The following CNTN5 variants were observed in gnomAD, a reference collection of about 807,000 sequenced individuals.
CNTN5 encodes contactin 5, also known as contactin-5.
In CNTN5, 77 loss-of-function variants were observed where a neutral mutation model predicts 129.1. That is an observed-to-expected ratio of 0.60 (90% CI 0.50 to 0.72). The LOEUF is 0.72. CNTN5 is among the 30% of genes least tolerant of loss of function. The pLI is 0.00. For synonymous variants in CNTN5, 509 were observed against 465.6 expected, an observed-to-expected ratio of 1.09 and a Z score of -1.20; for missense variants, 1,478 against 1,328.8, an observed-to-expected ratio of 1.11 and a Z score of -1.75.
At chr11:99,602,052 TATA>T (rs1353391714) in intron 3 of CNTN5, among the ~76,000 whole-genome samples, 4 of 152,130 alleles carry the variant, frequency 2.6e-5, no homozygotes, top group African/African-American at 7.2e-5. Context: ...TGCATACATA[TATA>T]ATAACTGTGT....
chr11:100,081,586 G>A (rs1037222315), intron 13 of CNTN5, among the ~76,000 whole-genome samples: 2 of 152,122 alleles, frequency 1.3e-5, no homozygotes, highest in African/African-American at 2.4e-5. Context: ...TGGGGTGAGA[G>A]AGGACATAAA....
chr11:99,342,594 A>C (rs1565505753), intron 2 of CNTN5, among the ~76,000 whole-genome samples: 2 of 146,496 alleles, frequency 1.4e-5, no homozygotes, highest in Admixed American at 6.9e-5. Context: ...AAAAAAAAAA[A>C]AAAAAAAAGC....
chr11:99,830,803 A>G (rs980618352), intron 4 of CNTN5, among the ~76,000 whole-genome samples: 1 of 152,148 alleles, frequency 6.6e-6, no homozygotes, highest in Non-Finnish European at 1.5e-5. Flanking sequence ...ATTTAAGTAT[A>G]TGTGGTGTGA....
At chr11:99,992,837 G>C (rs957356831) in intron 8 of CNTN5, among the ~76,000 whole-genome samples, 1 of 152,210 alleles carries the variant, frequency 6.6e-6, no homozygotes, top group African/African-American at 2.4e-5. Flanking sequence ...CTGTTTATGA[G>C]AAATTAGGGT....
At chr11:99,945,393 T>G (rs1374049989) in intron 7 of CNTN5, among the ~76,000 whole-genome samples, 2 of 151,944 alleles carry the variant, frequency 1.3e-5, no homozygotes, top group African/African-American at 4.8e-5. Context: ...ATATGTAGTT[T>G]TAGGTAAGAG....
intron 6 of CNTN5, among the ~76,000 whole-genome samples, chr11:99,860,185 T>C (rs998956916): frequency 3.3e-5 from 5 of 152,070 alleles, no homozygotes; most frequent in African/African-American, 1.2e-4. Flanking sequence ...TCATTTTTAA[T>C]GGGGTTATAG....
At chr11:99,893,732 T>G (rs1949126097) in intron 6 of CNTN5, among the ~76,000 whole-genome samples, 1 of 152,216 alleles carries the variant, frequency 6.6e-6, no homozygotes, top group Non-Finnish European at 1.5e-5. Flanking sequence ...ATAATAAAAT[T>G]AGCACCATTC....
At chr11:100,195,414 C>A (rs1490964026) in intron 15 of CNTN5, among the ~76,000 whole-genome samples, 1 of 151,932 alleles carries the variant, frequency 6.6e-6, no homozygotes, top group Non-Finnish European at 1.5e-5. Context: ...TCATTTGTAT[C>A]AATAAATACC....
chr11:99,525,559 T>C (rs2135452587), intron 2 of CNTN5, among the ~76,000 whole-genome samples: 1 of 152,338 alleles, frequency 6.6e-6, no homozygotes, highest in Admixed American at 6.5e-5. Flanking sequence ...AAATGATAGA[T>C]GGACTTGTTT....
At chr11:100,350,304 T>C (rs190539073) in intron 23 of CNTN5, among the ~76,000 whole-genome samples, 30 of 151,850 alleles carry the variant, frequency 2.0e-4, no homozygotes, top group African/African-American at 7.0e-4. Flanking sequence ...TTCTCTAGCC[T>C]CATTCCTCAC....
chr11:99,294,908 A>G (rs1362574859), intron 1 of CNTN5, among the ~76,000 whole-genome samples: 3 of 152,208 alleles, frequency 2.0e-5, no homozygotes, highest in Non-Finnish European at 2.9e-5. Context: ...TGAGTTGGCC[A>G]GGTTTTCACT....
At chr11:99,204,775 T>C (rs1232970648) in intron 1 of CNTN5, among the ~76,000 whole-genome samples, 1 of 152,194 alleles carries the variant, frequency 6.6e-6, no homozygotes, top group Non-Finnish European at 1.5e-5. Context: ...TGCAACAGCA[T>C]GAATATAGTG....
chr11:100,001,477 T>A (rs952311102), intron 8 of CNTN5, among the ~76,000 whole-genome samples: 1 of 152,188 alleles, frequency 6.6e-6, no homozygotes, highest in African/African-American at 2.4e-5. Flanking sequence ...ATGGCAATGA[T>A]CACTTCTTAT....
At chr11:100,193,832 A>G (rs936354871) in intron 15 of CNTN5, among the ~76,000 whole-genome samples, 169 bp downstream of exon 15, 2 of 151,856 alleles carry the variant, frequency 1.3e-5, no homozygotes, top group African/African-American at 4.8e-5. Context: ...ACTGAAAGTA[A>G]TATGTAATTA....
intron 3 of CNTN5, among the ~76,000 whole-genome samples, chr11:99,675,151 C>G (rs1953220523): frequency 6.6e-6 from 1 of 152,082 alleles, no homozygotes; most frequent in Non-Finnish European, 1.5e-5. Context: ...GCTTCATGTC[C>G]TAAATTTCTC....
rs1942994353 is a variant in CNTN5 at position 99,423,668 on chromosome 11, G to C, written c.-71+98184G>C. The stretch of plus-strand genomic sequence containing the variant: ...TCAAACTTTAATGTGCATAGGAATT[G>C]CTTGGTGATCCATTTAAAATGCAGA... On this transcript the variant is annotated intron_variant, in intron 2 of 24. Coordinates refer to ENST00000524871, the MANE Select transcript of CNTN5 (RefSeq NM_014361.4). Among the ~76,000 whole-genome samples the C allele has an allele frequency of 2.6e-5, 4 of 152,148 alleles. No homozygotes were observed. The South Asian group carries it at 8.3e-4, about 32-fold the overall frequency.
chr11:100,016,902 A>G (rs758297640), intron 9 of CNTN5, among the ~76,000 whole-genome samples: 12 of 151,824 alleles, frequency 7.9e-5, no homozygotes, highest in Non-Finnish European at 1.8e-4. Context: ...AATGGTGCAG[A>G]ACAGGTTCCA....
intron 2 of CNTN5, among the ~76,000 whole-genome samples, chr11:99,517,797 A>T (rs1947115452): frequency 6.6e-6 from 1 of 152,064 alleles, no homozygotes; most frequent in South Asian, 2.1e-4. Flanking sequence ...TAGCCCACCT[A>T]ACTTTAGTTT....
chr11:99,682,225 GT>G (rs1953586886), intron 3 of CNTN5, among the ~76,000 whole-genome samples: 1 of 151,992 alleles, frequency 6.6e-6, no homozygotes, highest in South Asian at 2.1e-4. Flanking sequence ...CTTAAAAGGG[GT>G]GAGGATATGA....
Sources: gnomAD v4.1 joint callset for allele counts (sites outside exome capture counted in the v4.1 genomes callset) on GRCh38, gnomAD v4.1.1 for gene constraint, MANE v1.5 for transcripts, NCBI Gene and HGNC (gene_info 2026-07-23, HGNC 2026-07-21) for gene names.